EPB41L3: variants seen among roughly 807,000 people sequenced by gnomAD.
EPB41L3 encodes band 4.1-like protein 3.
A neutral mutation model predicts 127.1 loss-of-function variants in EPB41L3; 57 were observed. The ratio of observed to expected loss-of-function variants is 0.45; its 90% CI spans 0.36 to 0.56. EPB41L3 has a LOEUF of 0.56. EPB41L3 is among the 20% of genes least tolerant of loss of function. EPB41L3 has a pLI of 0.00. For missense variants in EPB41L3, 1,273 were observed against 1,372.2 expected, an observed-to-expected ratio of 0.93 and a Z score of 1.14; for synonymous variants, 572 against 549.5, an observed-to-expected ratio of 1.04 and a Z score of -0.57.
chr18:5,523,119 A>G (rs1276044709), intron 1 of EPB41L3, among the ~76,000 whole-genome samples: 1 of 152,214 alleles, frequency 6.6e-6, no homozygotes, highest in Admixed American at 6.5e-5. Context: ...ATTAGAACAG[A>G]CATACATGCA....
intron 3 of EPB41L3, among the ~76,000 whole-genome samples, chr18:5,593,847 C>T (rs2094510503): frequency 1.3e-5 from 2 of 152,144 alleles, no homozygotes; most frequent in South Asian, 2.1e-4. Flanking sequence ...CTCCCATTTG[C>T]TTTTGAAAGA....
At chr18:5,623,474 A>G (rs2094887887) in intron 1 of EPB41L3, among the ~76,000 whole-genome samples, 1 of 152,184 alleles carries the variant, frequency 6.6e-6, no homozygotes, top group African/African-American at 2.4e-5. Flanking sequence ...ACTATTTACA[A>G]CTATTTGAGG....
Position 5,562,172 on chromosome 18 carries a change from C to T in EPB41L3, c.-306+50168G>A, listed in dbSNP as rs544095891. 1.2e-4 allele frequency among the ~76,000 whole-genome samples: 18 copies of T among 152,260 alleles called. No homozygotes were observed. In the South Asian group the frequency reaches 3.5e-3, roughly 30 times the overall value. Reference sequence around the variant, plus strand: ...AATAGTGTGTTACCAATGTTGGTTTCATAGTTTTGGCCATTGTGCTGTGTA... The same window carrying T: ...AATAGTGTGTTACCAATGTTGGTTTTATAGTTTTGGCCATTGTGCTGTGTA... On this transcript the variant is annotated intron_variant, in intron 3 of 21. Transcript: ENST00000545076.
At chr18:5,460,611 G>C (rs2147086015) in intron 3 of EPB41L3, among the ~76,000 whole-genome samples, 1 of 152,320 alleles carries the variant, frequency 6.6e-6, no homozygotes, top group South Asian at 2.1e-4. Context: ...TTGCTTGAGA[G>C]GAAGAACAAT....
In EPB41L3 at chr18:5,395,629, T is replaced by A; in HGVS notation, c.3052A>T (p.Thr1018Ser). 1 of 1,614,102 alleles carries A rather than the reference T, an allele frequency of 6.2e-7. No individual in the cohort carries two copies. Among genetic ancestry groups the A allele is most frequent in the Non-Finnish European group, 8.5e-7 (1 of 1,179,978 alleles). Residue 1018 changes from threonine (T) to serine (S), a missense_variant, in exon 20 of 23, where the codon ACC (threonine) becomes TCC (serine). Transcript: ENST00000341928. Reference sequence around the variant, plus strand: ...CTTACTTTGGTGATGTGCGTAGTGGTGGTGGTACTGGTGGTTTCAGATGTG... The same window carrying A: ...CTTACTTTGGTGATGTGCGTAGTGGAGGTGGTACTGGTGGTTTCAGATGTG... The part of the protein sequence containing the change: ...TITSETTSTT[T>S]TTHITKTVKG...
intron 7 of EPB41L3, 144 bp from the exon 8 acceptor site, chr18:5,433,700 G>A: frequency 1.1e-6 from 1 of 897,124 alleles, no homozygotes; most frequent in South Asian, 1.7e-5. Flanking sequence ...AAGAAAAAGG[G>A]CTTTGCAAGA....
chr18:5,530,248 G>A (rs977461975), intron 1 of EPB41L3, among the ~76,000 whole-genome samples: 2 of 152,084 alleles, frequency 1.3e-5, no homozygotes, highest in Non-Finnish European at 2.9e-5. Context: ...GAAAAAAAGT[G>A]AAGTTTCTAA....
chr18:5,409,910 G>A (rs1173455824), intron 14 of EPB41L3, among the ~76,000 whole-genome samples: 2 of 151,996 alleles, frequency 1.3e-5, no homozygotes, highest in African/African-American at 2.4e-5. Context: ...CACATTTAAT[G>A]TGTTTCTTTA....
intron 16 of EPB41L3, among the ~76,000 whole-genome samples, chr18:5,401,301 A>G (rs759332482): frequency 7.2e-5 from 11 of 152,330 alleles, no homozygotes; most frequent in South Asian, 2.1e-4. Flanking sequence ...TTTGGTGTTT[A>G]TATAACTCAA....
At chr18:5,606,398 A>T (rs2094652338) in intron 3 of EPB41L3, among the ~76,000 whole-genome samples, 1 of 145,978 alleles carries the variant, frequency 6.9e-6, no homozygotes, top group South Asian at 2.1e-4. Flanking sequence ...TTCTATTTTG[A>T]AAAAAAGAAT....
At chr18:5,408,273 CTTTTTT>C (rs1208956534) in intron 14 of EPB41L3, among the ~76,000 whole-genome samples, 25 of 50,500 alleles carry the variant, frequency 5.0e-4, no homozygotes, top group Middle Eastern at 9.4e-3. Context: ...TTTCTTTTTT[CTTTTTT>C]TTTTTTTTTT....
chr18:5,464,777 G>A (rs185524343), intron 3 of EPB41L3, among the ~76,000 whole-genome samples: 1 of 152,292 alleles, frequency 6.6e-6, no homozygotes, highest in East Asian at 1.9e-4. Flanking sequence ...ACCACTCAGA[G>A]TTACTAAGTA....
Position 5,393,141 on chromosome 18 carries a change from ATTGT to A in EPB41L3, c.*340_*343del, listed in dbSNP as rs2072672565. 7.6e-6 allele frequency: 2 copies of A among 262,662 alleles called. No homozygotes were observed. The highest frequency in any genetic ancestry group is 1.4e-4 in the East Asian group (2 of 14,376). The allele number at this position is 262,662 out of a possible 1,614,324, so 16.3% of individuals were successfully genotyped here. A position where few individuals can be genotyped will look rare whatever the true frequency, so the allele number is the denominator to read the frequency against. Reference sequence around the variant, plus strand: ...TAATAATAAACTATGAAAGGCATGAATTGTTTATGTGTTACATGAGACCACGGTT... The same window carrying A: ...TAATAATAAACTATGAAAGGCATGAATTATGTGTTACATGAGACCACGGTT... On this transcript the variant is annotated 3_prime_UTR_variant, in exon 23 of 23. Coordinates refer to ENST00000341928, the MANE Select transcript of EPB41L3 (RefSeq NM_012307.5).
chr18:5,510,944 GCAAT>G (rs999184318), intron 1 of EPB41L3, among the ~76,000 whole-genome samples: 5 of 151,968 alleles, frequency 3.3e-5, no homozygotes, highest in East Asian at 1.9e-4. Context: ...TTCATTGTAG[GCAAT>G]CAGTTAAAAA....
At chr18:5,446,575 T>C (rs1036645112) in intron 3 of EPB41L3, among the ~76,000 whole-genome samples, 17 of 152,248 alleles carry the variant, frequency 1.1e-4, no homozygotes, top group African/African-American at 4.8e-5. Context: ...TGATCAACTA[T>C]GTCTATGCCA....
intron 22 of EPB41L3, chr18:5,394,416 A>G: frequency 2.9e-6 from 1 of 350,476 alleles, no homozygotes; most frequent in South Asian, 7.0e-5. Flanking sequence ...AGGGAACACC[A>G]GGAAGACCAC....
At chr18:5,592,138 C>T (rs2094491494) in intron 3 of EPB41L3, among the ~76,000 whole-genome samples, 1 of 152,106 alleles carries the variant, frequency 6.6e-6, no homozygotes, top group African/African-American at 2.4e-5. Flanking sequence ...TTAGAAAAGT[C>T]ATTCAAGTCT....
rs966606504 is a variant in EPB41L3, at chr18:5,441,570, A to C, written c.529+2268T>G. On this transcript the variant is annotated intron_variant, in intron 5 of 22. Transcript: ENST00000341928. ...AAGCTCCGCCTCCCGGGTTCACGCC[A>C]TTCTCCTGCCTCAGCCTCCCGAGTA... Among the ~76,000 whole-genome samples the C allele has an allele frequency of 4.2e-3, 626 of 149,042 alleles. 7 individuals carry two copies. Among genetic ancestry groups the C allele is most frequent in the Non-Finnish European group, 2.9e-3 (195 of 67,778 alleles).
At chr18:5,511,353 A>C (rs900894371) in intron 1 of EPB41L3, among the ~76,000 whole-genome samples, 7 of 147,988 alleles carry the variant, frequency 4.7e-5, no homozygotes, top group Admixed American at 2.7e-4. Flanking sequence ...AAAGGTCCCA[A>C]GTCTCACCCT....
Sources: gnomAD v4.1 joint callset for allele counts (sites outside exome capture counted in the v4.1 genomes callset) on GRCh38, gnomAD v4.1.1 for gene constraint, MANE v1.5 for transcripts, NCBI Gene and HGNC (gene_info 2026-07-23, HGNC 2026-07-21) for gene names.